The following HECW1 variants were observed in gnomAD, a reference collection of about 807,000 sequenced individuals.
HECW1 encodes E3 ubiquitin-protein ligase HECW1.
Under a neutral mutation model 182.3 loss-of-function variants are expected in HECW1, and 61 were observed. The observed-to-expected ratio is 0.33, with a 90% CI of 0.27 to 0.41. The LOEUF (loss-of-function observed/expected upper bound fraction) is 0.41, where lower values mean the gene tolerates loss of function less well. HECW1 is among the 10% of genes least tolerant of loss of function. The pLI, the probability that HECW1 is intolerant of heterozygous loss-of-function variation, is 1.00. For missense variants in HECW1, 1,739 were observed against 2,108.9 expected (o/e 0.82, Z 3.44); for synonymous variants, 859 against 832.6 (o/e 1.03, Z -0.55).
chr7:43,270,193 C>T (rs1802238127), intron 3 of HECW1, among the ~76,000 whole-genome samples: 1 of 152,178 alleles, frequency 6.6e-6, no homozygotes, highest in African/African-American at 2.4e-5. Context: ...ATTTAATAGT[C>T]TCTCGTGGTT....
At chr7:43,189,718 A>C (rs142085560) in intron 2 of HECW1, among the ~76,000 whole-genome samples, 1,630 of 152,312 alleles carry the variant, frequency 0.011, 32 homozygotes, top group African/African-American at 0.036. Context: ...AACTTTTTGC[A>C]CTGGAGAAGA....
At position 43,262,953 on chromosome 7, in the gene HECW1, A is replaced by T. The variant is rs187196977; in HGVS notation, c.27+19021A>T. Among the ~76,000 whole-genome samples the T allele has an allele frequency of 6.5e-4, 99 of 152,340 alleles. 1 individual carries two copies. The highest frequency in any genetic ancestry group is 2.2e-3 in the African/African-American group (93 of 41,576). ...CCACCCATTTATGAACAGTCACATCACATGTCTGTTGAAAACAGAAGGCTA... is the reference window on the plus strand; with the variant it reads ...CCACCCATTTATGAACAGTCACATCTCATGTCTGTTGAAAACAGAAGGCTA... On this transcript the variant is annotated intron_variant, in intron 3 of 29. Transcript: ENST00000395891.
At chr7:43,502,272 A>C (rs1279906211) in intron 21 of HECW1, among the ~76,000 whole-genome samples, 1 of 152,222 alleles carries the variant, frequency 6.6e-6, no homozygotes, top group Admixed American at 6.5e-5. Flanking sequence ...TGTTTTCTTT[A>C]TGTATGAGAA....
At chr7:43,247,402 T>C (rs1415576059) in intron 3 of HECW1, among the ~76,000 whole-genome samples, 1 of 152,128 alleles carries the variant, frequency 6.6e-6, no homozygotes, top group Non-Finnish European at 1.5e-5. Flanking sequence ...AATCCAGCAC[T>C]TTGGGAGGGG....
chr7:43,407,246 C>T (rs1032897292), intron 7 of HECW1, among the ~76,000 whole-genome samples: 4 of 152,114 alleles, frequency 2.6e-5, no homozygotes, highest in African/African-American at 9.7e-5. Context: ...TTATTTCTGC[C>T]AATTCTCTCA....
chr7:43,158,946 C>T (rs1386624271), intron 2 of HECW1, among the ~76,000 whole-genome samples: 1 of 152,126 alleles, frequency 6.6e-6, no homozygotes, highest in East Asian at 1.9e-4. Flanking sequence ...ATACAGATTG[C>T]TGGGCATCAC....
intron 2 of HECW1, among the ~76,000 whole-genome samples, chr7:43,134,508 A>G (rs13226861): frequency 0.29 from 43,950 of 151,712 alleles, 6,573 homozygotes; most frequent in African/African-American, 0.34. Flanking sequence ...GTTTAAATTT[A>G]AATTTAATTT....
intron 24 of HECW1, among the ~76,000 whole-genome samples, chr7:43,528,603 G>A (rs1177253659): frequency 6.6e-6 from 1 of 152,176 alleles, no homozygotes; most frequent in Non-Finnish European, 1.5e-5. Context: ...TTTGTTAAGA[G>A]TCTGCATAAG....
At chr7:43,329,957 A>G (rs1270804844) in intron 5 of HECW1, among the ~76,000 whole-genome samples, 1 of 152,170 alleles carries the variant, frequency 6.6e-6, no homozygotes, top group African/African-American at 2.4e-5. Context: ...ATATGCCTGT[A>G]AATGTGAAGA....
chr7:43,436,375 G>C (rs893910680), intron 8 of HECW1, among the ~76,000 whole-genome samples: 2 of 152,008 alleles, frequency 1.3e-5, no homozygotes, highest in Non-Finnish European at 2.9e-5. Flanking sequence ...TTTCACGTGT[G>C]TTCATGTGAA....
chr7:43,246,360 G>C (rs1799378405), intron 3 of HECW1, among the ~76,000 whole-genome samples: 1 of 152,206 alleles, frequency 6.6e-6, no homozygotes, highest in African/African-American at 2.4e-5. Flanking sequence ...TGTATTTTCA[G>C]CTTCTGGAAT....
At position 43,399,815 on chromosome 7, in the gene HECW1, A is replaced by C. The variant is rs75240534; in HGVS notation, c.631+2926A>C. Among the ~76,000 whole-genome samples, 222 of 152,378 alleles carry C rather than the reference A, an allele frequency of 1.5e-3. 3 individuals are homozygous for C. In the East Asian group the frequency reaches 0.035, roughly 24 times the overall value. Reference sequence around the variant, plus strand: ...GGAAAGTGACTAGGAATATAAAGTTAGTAGCTAGCGGAGCAAGCTTGGAAT... The same window carrying C: ...GGAAAGTGACTAGGAATATAAAGTTCGTAGCTAGCGGAGCAAGCTTGGAAT... On this transcript the variant is annotated intron_variant, in intron 7 of 29. Coordinates refer to ENST00000395891, the MANE Select transcript of HECW1 (RefSeq NM_015052.5).
In HECW1 at chr7:43,477,785, G is replaced by A. The variant is rs185558381; in HGVS notation, c.3100-1825G>A. Among the ~76,000 whole-genome samples, 555 of 152,226 alleles carry A rather than the reference G, an allele frequency of 3.6e-3. 4 individuals are homozygous for A. Among genetic ancestry groups the A allele is most frequent in the African/African-American group, 0.013 (540 of 41,534 alleles). ...TTTTATAAAGCTCTTTAAACTGCTT[G>A]TTTACAGTGACATCAAATACTTGAA... On this transcript the variant is annotated intron_variant, in intron 16 of 29. Coordinates refer to ENST00000395891, the MANE Select transcript of HECW1 (RefSeq NM_015052.5).
intron 2 of HECW1, among the ~76,000 whole-genome samples, chr7:43,193,616 A>C (rs1424098673): frequency 6.6e-6 from 1 of 152,064 alleles, no homozygotes; most frequent in Non-Finnish European, 1.5e-5. Flanking sequence ...TCCTGACCTC[A>C]AGTGATCCAC....
At chr7:43,220,926 G>A (rs182225580) in intron 2 of HECW1, among the ~76,000 whole-genome samples, 38 of 152,318 alleles carry the variant, frequency 2.5e-4, no homozygotes, top group Middle Eastern at 3.4e-3. Context: ...TGCAGACCAT[G>A]TGTGGCTGGT....
chr7:43,555,101 G>A (rs560848314), intron 29 of HECW1, among the ~76,000 whole-genome samples: 24 of 152,278 alleles, frequency 1.6e-4, no homozygotes, highest in African/African-American at 4.8e-4. Context: ...AGAGGGCAGA[G>A]GCAAGGACAT....
At chr7:43,191,119 TA>T (rs1793879801) in intron 2 of HECW1, among the ~76,000 whole-genome samples, 1 of 151,818 alleles carries the variant, frequency 6.6e-6, no homozygotes, top group African/African-American at 2.4e-5. Flanking sequence ...AACTGCGGAG[TA>T]GATTAACACT....
rs2082302916 is a variant in HECW1 at position 43,565,304 on chromosome 7, C to T, written c.*3378C>T. 4.8e-6 allele frequency: 1 copy of T among 206,948 alleles called. No homozygotes were observed. The highest frequency in any genetic ancestry group is 9.9e-6 in the Non-Finnish European group (1 of 101,364). The allele number at this position is 206,948 out of a possible 1,614,324, so 12.8% of individuals were successfully genotyped here. ...ATGATTTGGGGGAGCAGGCGTTAAACATGCAAGATCTAAATTTTCTTTTAA... is the reference window on the plus strand; with the variant it reads ...ATGATTTGGGGGAGCAGGCGTTAAATATGCAAGATCTAAATTTTCTTTTAA... On this transcript the variant is annotated 3_prime_UTR_variant, in exon 30 of 30. Transcript: ENST00000395891.
chr7:43,219,866 T>C (rs140783363), intron 2 of HECW1, among the ~76,000 whole-genome samples: 2,985 of 152,124 alleles, frequency 0.02, 104 homozygotes, highest in African/African-American at 0.068. Flanking sequence ...ATATGAGGGG[T>C]GGTATCCTCC....
Sources: gnomAD v4.1 joint callset for allele counts (sites outside exome capture counted in the v4.1 genomes callset) on GRCh38, gnomAD v4.1.1 for gene constraint, MANE v1.5 for transcripts, NCBI Gene and HGNC (gene_info 2026-07-23, HGNC 2026-07-21) for gene names.